Variants in NUP153 observed in about 807,000 individuals in gnomAD.
The protein encoded by NUP153 is nucleoporin 153, also known as nuclear pore complex protein Nup153.
NUP153 carries 27 observed loss-of-function variants against 134.6 expected under a neutral mutation model. That is an observed-to-expected ratio of 0.20 (90% CI 0.15 to 0.28). NUP153 has a LOEUF of 0.28. Among genes scored for constraint, NUP153 ranks in the 10% least tolerant of loss-of-function variants. The pLI, the probability that NUP153 is intolerant of heterozygous loss-of-function variation, is 1.00. For synonymous variants in NUP153, 640 were observed against 623.5 expected (o/e 1.03, Z -0.40); for missense variants, 1,821 against 1,731.3 (o/e 1.05, Z -0.92).
intron 5 of NUP153, 61 bp downstream of exon 5, chr6:17,674,844 T>C (rs1362801583): frequency 1.6e-6 from 2 of 1,230,736 alleles, no homozygotes; most frequent in Non-Finnish European, 2.2e-6. Context: ...TAATTTATTA[T>C]CCAGTTAAAG....
At chr6:17,663,260 C>CACACACACATATAT (rs1389702878) in intron 9 of NUP153, among the ~76,000 whole-genome samples, 3 of 139,996 alleles carry the variant, frequency 2.1e-5, no homozygotes, top group Non-Finnish European at 4.6e-5. Context: ...CACACACACA[C>CACACACACATATAT]ATATATATAT....
intron 1 of NUP153, among the ~76,000 whole-genome samples, chr6:17,697,960 A>C (rs995769922): frequency 2.5e-4 from 38 of 152,116 alleles, no homozygotes; most frequent in African/African-American, 8.7e-4. Context: ...CTTCTATACA[A>C]AGCTCTTTTC....
chr6:17,705,596 A>AGGGGGGGGGGGGGGGGGGGGG (rs1770430257), intron 1 of NUP153, among the ~76,000 whole-genome samples: 1 of 96,858 alleles, frequency 1.0e-5, no homozygotes, highest in African/African-American at 4.3e-5. Context: ...GGGGGGGGGG[A>AGGGGGGGGGGGGGGGGGGGGG]GGGGAGTCGC....
In NUP153 at chr6:17,675,535, T is replaced by C. The variant is rs1768169909; in HGVS notation, c.570A>G (p.Arg190=). 6.2e-7 allele frequency: 1 copy of C among 1,613,936 alleles called. No individual in the cohort carries two copies. Among genetic ancestry groups the C allele is most frequent in the Non-Finnish European group, 8.5e-7 (1 of 1,179,852 alleles). ...TGTCAAGAATACCTTTATCAGAAGC[T>C]CTTGAAGAAAAACCACTGGTAGTTG... ...NISTTSGFSS[R]ASDKDITVSK... Residue 190 remains arginine (R), a synonymous_variant, in exon 3 of 22, where the codon AGA becomes AGG. Transcript: ENST00000262077. This position sits in a 1 kb window ranked among gnomAD's most constrained non-coding sequence, Gnocchi z 4.4.
chr6:17,616,740 G>A, intron 20 of NUP153, 45 bp from the exon 21 acceptor site: 3 of 1,561,358 alleles, frequency 1.9e-6, no homozygotes, highest in Non-Finnish European at 2.6e-6. Context: ...CAAAATGATA[G>A]GTTTTTTTGT....
intron 16 of NUP153, 143 bp downstream of exon 16, chr6:17,637,010 A>G: frequency 2.5e-6 from 2 of 811,334 alleles, no homozygotes; most frequent in Non-Finnish European, 3.8e-6. Context: ...CAAACAAGAC[A>G]TTTTTACCTC....
intron 15 of NUP153, among the ~76,000 whole-genome samples, chr6:17,639,649 T>C (rs1765737167): frequency 6.6e-6 from 1 of 152,208 alleles, no homozygotes; most frequent in Non-Finnish European, 1.5e-5. Context: ...GACATGTCTA[T>C]GTGTATCATC....
At chr6:17,666,170 C>T (rs1029057356) in intron 8 of NUP153, among the ~76,000 whole-genome samples, 8 of 152,040 alleles carry the variant, frequency 5.3e-5, no homozygotes, top group African/African-American at 1.9e-4. Context: ...ACTTTTGTCA[C>T]ATTTTCCCTG....
intron 15 of NUP153, 141 bp downstream of exon 15, chr6:17,639,798 C>A: frequency 1.5e-6 from 1 of 664,898 alleles, no homozygotes; most frequent in Non-Finnish European, 2.4e-6. Flanking sequence ...AAAAGAATTA[C>A]ACCTAACTAC....
intron 11 of NUP153, among the ~76,000 whole-genome samples, chr6:17,650,208 G>A (rs1766432593): frequency 6.6e-6 from 1 of 152,194 alleles, no homozygotes; most frequent in Non-Finnish European, 1.5e-5. Context: ...CTGGATGGGA[G>A]AGGACACTTG....
Position 17,680,743 on chromosome 6 carries a change from G to A in NUP153, c.335-4973C>T, listed in dbSNP as rs935031431. ...CATAAAAAGTACTCCAACCCCCAGTGAAAATGGCTTTTATCAAAAAGGCAA... is the reference window on the plus strand; with the variant it reads ...CATAAAAAGTACTCCAACCCCCAGTAAAAATGGCTTTTATCAAAAAGGCAA... On this transcript the variant is annotated intron_variant, in intron 2 of 21. Coordinates refer to ENST00000262077, the MANE Select transcript of NUP153 (RefSeq NM_005124.4). The surrounding 1 kb of genome is among the most constrained non-coding windows in gnomAD (Gnocchi z 4.5). Among the ~76,000 whole-genome samples, 85 of 152,190 alleles carry A rather than the reference G, an allele frequency of 5.6e-4. 2 individuals carry two copies. Among genetic ancestry groups the A allele is most frequent in the Admixed American group, 5.0e-3 (77 of 15,266 alleles).
At chr6:17,634,333 A>G (rs995233003) in intron 16 of NUP153, among the ~76,000 whole-genome samples, 1 of 152,164 alleles carries the variant, frequency 6.6e-6, no homozygotes, top group Non-Finnish European at 1.5e-5. Flanking sequence ...GGCCATCTTG[A>G]GTGAACACAC....
chr6:17,632,475 A>G (rs1307452259), intron 17 of NUP153, among the ~76,000 whole-genome samples, 175 bp downstream of exon 17: 6 of 152,146 alleles, frequency 3.9e-5, no homozygotes, highest in Non-Finnish European at 8.8e-5. Flanking sequence ...AACTAATATG[A>G]CCTTACAATA....
intron 1 of NUP153, among the ~76,000 whole-genome samples, chr6:17,688,939 C>T (rs1369875366): frequency 1.3e-5 from 2 of 152,046 alleles, no homozygotes; most frequent in Non-Finnish European, 2.9e-5. Flanking sequence ...GTTTTAATCT[C>T]AGAGAAAAGG....
At chr6:17,624,966 G>A in intron 19 of NUP153, 133 bp from the exon 20 acceptor site, 1 of 812,164 alleles carries the variant, frequency 1.2e-6, no homozygotes, top group Non-Finnish European at 1.9e-6. Context: ...ATTCCATCAA[G>A]ACAAGTTTTA....
At chr6:17,627,621 G>A (rs1392025293) in intron 18 of NUP153, among the ~76,000 whole-genome samples, 2 of 152,082 alleles carry the variant, frequency 1.3e-5, no homozygotes, top group African/African-American at 2.4e-5. Flanking sequence ...TCAGCCTCCC[G>A]ACTAGTTGGG....
intron 11 of NUP153, among the ~76,000 whole-genome samples, chr6:17,653,362 A>G (rs539207070): frequency 6.6e-6 from 1 of 152,376 alleles, no homozygotes; most frequent in South Asian, 2.1e-4. Flanking sequence ...AATTAAAATT[A>G]CAATGAGATA....
At chr6:17,655,797 G>A (rs1253533062) in intron 11 of NUP153, among the ~76,000 whole-genome samples, 2 of 152,178 alleles carry the variant, frequency 1.3e-5, no homozygotes, top group Non-Finnish European at 2.9e-5. Context: ...AATTATAACT[G>A]AAGAAAGAAA....
At chr6:17,685,921 G>A (rs1768894798) in intron 2 of NUP153, among the ~76,000 whole-genome samples, 1 of 152,100 alleles carries the variant, frequency 6.6e-6, no homozygotes, top group Non-Finnish European at 1.5e-5. Flanking sequence ...GCCAAGGCAG[G>A]AGGCTCACTT....
Sources: allele counts gnomAD v4.1 joint callset (sites outside exome capture counted in the v4.1 genomes callset), GRCh38; gene constraint gnomAD v4.1.1; non-coding constraint Gnocchi (gnomAD v3.1); transcripts MANE v1.5; gene names NCBI Gene and HGNC (gene_info 2026-07-23, HGNC 2026-07-21).